The following DLG2 variants were observed in gnomAD, a reference collection of about 807,000 sequenced individuals.
DLG2 encodes disks large homolog 2.
DLG2 carries 45 observed loss-of-function variants against 132.5 expected under a neutral mutation model. The observed-to-expected ratio is 0.34, with a 90% CI of 0.27 to 0.44. DLG2 has a LOEUF of 0.44. Among genes scored for constraint, DLG2 ranks in the 20% least tolerant of loss-of-function variants. DLG2 has a pLI of 1.00. For missense variants in DLG2, 1,045 were observed against 1,196.9 expected (o/e 0.87, Z 1.87); for synonymous variants, 424 against 419.6 (o/e 1.01, Z -0.13).
intron 8 of DLG2, among the ~76,000 whole-genome samples, chr11:84,238,589 C>T (rs2097188681): frequency 6.8e-6 from 1 of 147,908 alleles, no homozygotes; most frequent in Admixed American, 6.7e-5. Context: ...ATAAATTACC[C>T]CAAGCATCAC....
chr11:85,621,550 C>T (rs1400596522), intron 2 of DLG2, among the ~76,000 whole-genome samples: 3 of 152,198 alleles, frequency 2.0e-5, no homozygotes, highest in Admixed American at 1.3e-4. Context: ...TCAACATTAA[C>T]GGGAGTTTGG....
intron 7 of DLG2, among the ~76,000 whole-genome samples, chr11:84,481,787 C>T (rs574009877): frequency 6.6e-6 from 1 of 152,274 alleles, no homozygotes; most frequent in South Asian, 2.1e-4. Context: ...CATGAAACTG[C>T]AACAACTTTG....
At chr11:83,703,598 G>A (rs2083356089) in intron 18 of DLG2, among the ~76,000 whole-genome samples, 1 of 152,096 alleles carries the variant, frequency 6.6e-6, no homozygotes, top group Non-Finnish European at 1.5e-5. Flanking sequence ...GCAGTGAGCC[G>A]AGATAGCACC....
chr11:84,272,231 G>T, intron 7 of DLG2: 1 of 400,652 alleles, frequency 2.5e-6, no homozygotes, highest in East Asian at 7.9e-5. Flanking sequence ...GAAGTTACAG[G>T]GAAAAATATG....
intron 18 of DLG2, among the ~76,000 whole-genome samples, chr11:83,698,105 T>C (rs2082242746): frequency 6.6e-6 from 1 of 152,206 alleles, no homozygotes. Flanking sequence ...AAATGAAGAC[T>C]ATGATGAATA....
chr11:85,122,432 A>G (rs1323682223), intron 5 of DLG2, among the ~76,000 whole-genome samples: 1 of 152,200 alleles, frequency 6.6e-6, no homozygotes, highest in Non-Finnish European at 1.5e-5. Context: ...ATGAAATTCA[A>G]ATTATTTGGG....
intron 18 of DLG2, among the ~76,000 whole-genome samples, chr11:83,783,587 C>T (rs963492554): frequency 7.2e-5 from 11 of 152,106 alleles, no homozygotes; most frequent in Admixed American, 2.0e-4. Context: ...AGGCTTTTAT[C>T]CACTAGTTCA....
intron 6 of DLG2, among the ~76,000 whole-genome samples, chr11:84,658,321 G>A (rs1174972680): frequency 1.3e-5 from 2 of 152,060 alleles, no homozygotes; most frequent in Admixed American, 1.3e-4. Context: ...GAGTGATATA[G>A]ATGAAATGTT....
intron 18 of DLG2, among the ~76,000 whole-genome samples, chr11:83,673,490 A>C (rs1009239687): frequency 6.6e-6 from 1 of 152,222 alleles, no homozygotes. Context: ...GGGCAACTGA[A>C]GCAAGCAAGA....
intron 3 of DLG2, among the ~76,000 whole-genome samples, chr11:85,423,316 CT>C (rs1000793460): frequency 1.3e-5 from 2 of 152,182 alleles, no homozygotes; most frequent in Non-Finnish European, 2.9e-5. Context: ...ATACCAGCAC[CT>C]TTTCCAGTGG....
At chr11:83,468,521 T>G (rs1325279352) in intron 25 of DLG2, among the ~76,000 whole-genome samples, 1 of 152,186 alleles carries the variant, frequency 6.6e-6, no homozygotes, top group Admixed American at 6.5e-5. Context: ...GACATCAAAA[T>G]TACTTAATTC....
At chr11:84,584,157 A>G (rs1191685467) in intron 6 of DLG2, among the ~76,000 whole-genome samples, 1 of 152,162 alleles carries the variant, frequency 6.6e-6, no homozygotes, top group Non-Finnish European at 1.5e-5. Context: ...AGTATAGAAG[A>G]AACAACCTCA....
intron 9 of DLG2, among the ~76,000 whole-genome samples, chr11:84,104,268 C>T (rs963474055): frequency 2.0e-5 from 3 of 152,026 alleles, no homozygotes; most frequent in African/African-American, 7.2e-5. Context: ...AAATCATATC[C>T]TTTGCAGCAA....
chr11:85,321,795 C>T (rs1267183783), intron 3 of DLG2, among the ~76,000 whole-genome samples: 1 of 151,978 alleles, frequency 6.6e-6, no homozygotes, highest in African/African-American at 2.4e-5. Context: ...ATAACACTGA[C>T]AGGATCTTCG....
At chr11:85,501,658 A>G (rs1374518038) in intron 3 of DLG2, among the ~76,000 whole-genome samples, 6 of 152,244 alleles carry the variant, frequency 3.9e-5, no homozygotes, top group Admixed American at 3.3e-4. Context: ...GCCAACAGAC[A>G]TATGAAAAAA....
chr11:84,432,232 A>T (rs369029764), intron 7 of DLG2, among the ~76,000 whole-genome samples: 5 of 152,222 alleles, frequency 3.3e-5, no homozygotes, highest in Admixed American at 6.5e-5. Context: ...TGGTTAGCCA[A>T]ACAGATTAAG....
intron 4 of DLG2, among the ~76,000 whole-genome samples, chr11:85,246,843 T>A (rs1041858437): frequency 6.6e-6 from 1 of 152,102 alleles, no homozygotes; most frequent in Non-Finnish European, 1.5e-5. Flanking sequence ...TAATGCAAGA[T>A]AACGATCACT....
At chr11:85,499,766 T>G (rs1283315343) in intron 3 of DLG2, among the ~76,000 whole-genome samples, 2 of 152,158 alleles carry the variant, frequency 1.3e-5, no homozygotes, top group Non-Finnish European at 2.9e-5. Flanking sequence ...GTCTGCTTCA[T>G]CCCTGGGGTG....
chr11:84,425,129 T>A (rs943162567), intron 7 of DLG2, among the ~76,000 whole-genome samples: 1 of 152,124 alleles, frequency 6.6e-6, no homozygotes, highest in Non-Finnish European at 1.5e-5. Flanking sequence ...AATATTACTG[T>A]GCAAATAAGT....
Sources: allele counts gnomAD v4.1 joint callset (sites outside exome capture counted in the v4.1 genomes callset), GRCh38; gene constraint gnomAD v4.1.1; transcripts MANE v1.5; gene names NCBI Gene and HGNC (gene_info 2026-07-23, HGNC 2026-07-21).